Variants in EIF4G2 observed in about 807,000 individuals in gnomAD.
The protein encoded by EIF4G2 is DAP-5.
Under a neutral mutation model 117.7 loss-of-function variants are expected in EIF4G2, and 8 were observed. The ratio of observed to expected loss-of-function variants is 0.07; its 90% CI spans 0.04 to 0.12. The LOEUF (loss-of-function observed/expected upper bound fraction) is 0.12. Among genes scored for constraint, EIF4G2 ranks in the 10% least tolerant of loss-of-function variants. The pLI is 1.00. For synonymous variants in EIF4G2, 413 were observed against 367.8 expected, an observed-to-expected ratio of 1.12 and a Z score of -1.41; for missense variants, 812 against 1,086.2, an observed-to-expected ratio of 0.75 and a Z score of 3.55.
intron 18 of EIF4G2, 36 bp downstream of exon 18, chr11:10,800,054 T>TA (rs748216750): frequency 6.9e-6 from 11 of 1,595,884 alleles, no homozygotes; most frequent in South Asian, 5.6e-5. Flanking sequence ...GATATAATAT[T>TA]AAAAAAACAA....
intron 21 of EIF4G2, among the ~76,000 whole-genome samples, chr11:10,798,419 G>T (rs1358213349): frequency 3.3e-5 from 5 of 152,072 alleles, no homozygotes. Context: ...TTGAGACACA[G>T]TCTCACTCTG....
intron 3 of EIF4G2, 24 bp downstream of exon 3, chr11:10,806,796 T>A: frequency 6.2e-7 from 1 of 1,612,010 alleles, no homozygotes; most frequent in Non-Finnish European, 8.5e-7. Flanking sequence ...TAAAGCTCAC[T>A]GTTTTTTTAC....
At chr11:10,800,403 C>G in intron 17 of EIF4G2, 29 bp downstream of exon 17, 1 of 1,613,470 alleles carries the variant, frequency 6.2e-7, no homozygotes, top group Non-Finnish European at 8.5e-7. Flanking sequence ...GGTAAGAGTT[C>G]TTACCACACA....
intron 1 of EIF4G2, chr11:10,808,059 C>A: frequency 9.6e-7 from 1 of 1,045,886 alleles, no homozygotes; most frequent in Non-Finnish European, 1.2e-6. Flanking sequence ...TGAGGCCACC[C>A]CCGCCAGCCC....
chr11:10,804,323 T>G lies in EIF4G2; in HGVS notation c.447A>C (p.Pro149=). Residue 149 remains proline (P), a synonymous_variant, in exon 6 of 22, where the codon CCA becomes CCC. Coordinates refer to ENST00000339995, the MANE Select transcript of EIF4G2 (RefSeq NM_001418.4). The stretch of plus-strand genomic sequence containing the variant: ...TCTGTCCTGGTTGACCCTCTGCTGC[T>G]GGGCCATCAAAGTTTGGTGCATCTT... The G allele has an allele frequency of 6.2e-7, 1 of 1,614,206 alleles. No individual in the cohort carries two copies. The highest frequency in any genetic ancestry group is 8.5e-7 in the Non-Finnish European group (1 of 1,180,026).
rs960287817 is a variant in EIF4G2, at chr11:10,803,611, G to C, written c.703-21C>G. On this transcript the variant is annotated intron_variant, in intron 8 of 21. Transcript: ENST00000339995. This position sits in a 1 kb window ranked among gnomAD's most constrained non-coding sequence, Gnocchi z 4.0. ...AAAAGCTACAAGAATAAAAGGCCATGGTGACAAAGTTTTAGTTACTCTGGT... is the reference window on the plus strand; with the variant it reads ...AAAAGCTACAAGAATAAAAGGCCATCGTGACAAAGTTTTAGTTACTCTGGT... The C allele has an allele frequency of 6.3e-7, 1 of 1,598,546 alleles. No homozygotes were observed. Among genetic ancestry groups the C allele is most frequent in the Non-Finnish European group, 8.6e-7 (1 of 1,167,908 alleles).
At chr11:10,807,210 G>A (rs1847602290) in intron 2 of EIF4G2, 45 bp downstream of exon 2, 1 of 1,584,188 alleles carries the variant, frequency 6.3e-7, no homozygotes, top group Non-Finnish European at 8.6e-7. Context: ...TACTTTTTGA[G>A]ACTGGCCTTT....
Position 10,807,303 on chromosome 11 carries a change from G to A in EIF4G2, c.-8C>T, listed in dbSNP as rs752092649. On this transcript the variant is annotated 5_prime_UTR_variant, in exon 2 of 22. Coordinates refer to ENST00000339995, the MANE Select transcript of EIF4G2 (RefSeq NM_001418.4). Reference sequence around the variant, plus strand: ...TGCAATCGCACTCTCCACTTTGGCGGCTTGACAACGAAGAATCTTCAAAAG... The same window carrying A: ...TGCAATCGCACTCTCCACTTTGGCGACTTGACAACGAAGAATCTTCAAAAG... The A allele has an allele frequency of 1.9e-6, 3 of 1,613,766 alleles. No individual in the cohort carries two copies. The highest frequency in any genetic ancestry group is 2.2e-5 in the East Asian group (1 of 44,856).
At chr11:10,804,249 G>A (rs1453350722) in intron 6 of EIF4G2, 38 bp downstream of exon 6, 1 of 1,612,854 alleles carries the variant, frequency 6.2e-7, no homozygotes. Context: ...AATTTTTCAA[G>A]TCAACTTTAA....
At chr11:10,801,210 TAAAG>T in intron 14 of EIF4G2, 123 bp from the exon 15 acceptor site, 1 of 1,386,672 alleles carries the variant, frequency 7.2e-7, no homozygotes, top group Non-Finnish European at 9.6e-7. Context: ...TTTGAAAAAC[TAAAG>T]AAGGTACTCC....
At position 10,800,531 on chromosome 11, in the gene EIF4G2, G is replaced by T; in HGVS notation, c.1761C>A (p.Ile587=). Residue 587 remains isoleucine (I), a synonymous_variant, in exon 17 of 22, where the codon ATC becomes ATA. Transcript: ENST00000339995. The stretch of plus-strand genomic sequence containing the variant: ...CTTCATCGCTTCTATCTAGTGACAG[G>T]ATGATTACTTTGCTTAACATCTCAG... The T allele has an allele frequency of 6.2e-7, 1 of 1,614,080 alleles. No homozygotes were observed. Among genetic ancestry groups the T allele is most frequent in the Non-Finnish European group, 8.5e-7 (1 of 1,180,016 alleles).
chr11:10,806,964 G>C, intron 2 of EIF4G2, 79 bp from the exon 3 acceptor site: 3 of 1,548,156 alleles, frequency 1.9e-6, no homozygotes, highest in South Asian at 2.2e-5. Flanking sequence ...TTTGTGTTTT[G>C]CTTTGCTTGT....
In EIF4G2 at chr11:10,799,395, T is replaced by C. The variant is rs762004073; in HGVS notation, c.2354A>G (p.Asn785Ser). The change falls in exon 20 of 22, where the codon AAC becomes AGC. Residue 785 changes from asparagine to serine, a missense_variant. By Grantham distance (46) the Asn-to-Ser change is conservative. Transcript: ENST00000339995. ...TGAATCTGTTTCATCGCTGGGGGGG[T>C]TTACTTCACTAGAAATGTACTGTAA... 58 of 1,611,346 alleles carry C rather than the reference T, an allele frequency of 3.6e-5. No individual in the cohort carries two copies. The highest frequency in any genetic ancestry group is 4.7e-5 in the Non-Finnish European group (56 of 1,179,980).
chr11:10,799,829 T>C, intron 18 of EIF4G2, 73 bp from the exon 19 acceptor site: 1 of 1,498,316 alleles, frequency 6.7e-7, no homozygotes, highest in Non-Finnish European at 9.0e-7. Flanking sequence ...GAGCAGAGCT[T>C]CACAAATGAT....
intron 3 of EIF4G2, 70 bp from the exon 4 acceptor site, chr11:10,806,117 C>T (rs377454533): frequency 1.9e-6 from 3 of 1,597,036 alleles, no homozygotes; most frequent in Non-Finnish European, 2.6e-6. Context: ...AATTCTCTTA[C>T]ATAGAAAAAA....
chr11:10,803,597 G>C lies in EIF4G2; in HGVS notation c.703-7C>G, dbSNP rs763852337. 6 of 1,609,698 alleles carry C rather than the reference G, an allele frequency of 3.7e-6. No individual in the cohort carries two copies. The highest frequency in any genetic ancestry group is 4.2e-6 in the Non-Finnish European group (5 of 1,177,170). On this transcript the variant is annotated splice_region_variant and splice_polypyrimidine_tract_variant and intron_variant, in intron 8 of 21. Transcript: ENST00000339995. This position sits in a 1 kb window ranked among gnomAD's most constrained non-coding sequence, Gnocchi z 4.0. ...TCTTCTTCTTTTCCAAAAGCTACAAGAATAAAAGGCCATGGTGACAAAGTT... is the reference window on the plus strand; with the variant it reads ...TCTTCTTCTTTTCCAAAAGCTACAACAATAAAAGGCCATGGTGACAAAGTT...
intron 18 of EIF4G2, 95 bp downstream of exon 18, chr11:10,799,991 ACAAT>A: frequency 7.4e-7 from 1 of 1,342,340 alleles, no homozygotes; most frequent in South Asian, 1.4e-5. Flanking sequence ...TCTGAGCAGG[ACAAT>A]CAGACTGTCT....
In EIF4G2 at chr11:10,808,495, C is replaced by T. The variant is rs1481997280; in HGVS notation, c.-87+210G>A. On this transcript the variant is annotated intron_variant, in intron 1 of 21. Coordinates refer to ENST00000339995, the MANE Select transcript of EIF4G2 (RefSeq NM_001418.4). ...TGACCGCACGGCGGCCTGGCCAACA[C>T]TGACGTTTTCCTTCTACTCCGTCAG... is the stretch of plus-strand genomic sequence containing the variant. 3 of 1,244,038 alleles carry T rather than the reference C, an allele frequency of 2.4e-6. No individual in the cohort carries two copies. The African/African-American group carries it at 4.9e-5, about 20-fold the overall frequency. The allele number at this position is 1,244,038 out of a possible 1,614,324, so 77.1% of individuals were successfully genotyped here.
rs929562696 is a variant in EIF4G2 at position 10,798,012 on chromosome 11, G to A, written c.2659-131C>T. ...TCCCTACCAACAATTTGTATATTAA[G>A]TTAACGAACAGTGGTATATTATCCA... On this transcript the variant is annotated intron_variant, in intron 21 of 21. Transcript: ENST00000339995. The A allele has an allele frequency of 7.7e-6, 6 of 774,472 alleles. No individual in the cohort carries two copies. The African/African-American group carries it at 8.7e-5, about 11-fold the overall frequency. 48.0% of individuals were successfully genotyped at this position (774,472 alleles called of 1,614,324 possible). A position where few individuals can be genotyped will look rare whatever the true frequency, so the allele number is the denominator to read the frequency against.
Sources: gnomAD v4.1 joint callset for allele counts (sites outside exome capture counted in the v4.1 genomes callset) on GRCh38, gnomAD v4.1.1 for gene constraint, Gnocchi (gnomAD v3.1) non-coding constraint, MANE v1.5 for transcripts, NCBI Gene and HGNC (gene_info 2026-07-23, HGNC 2026-07-21) for gene names.